The following FRMD4A variants were observed in gnomAD, a reference collection of about 807,000 sequenced individuals.
FRMD4A encodes FERM domain-containing protein 4A.
FRMD4A carries 29 observed loss-of-function variants against 129.1 expected under a neutral mutation model. The observed-to-expected ratio is 0.22, with a 90% CI of 0.17 to 0.31. The LOEUF is 0.31. FRMD4A is among the 10% of genes least tolerant of loss of function. The probability of loss-of-function intolerance (pLI) is 1.00; values close to 1 mark genes in which losing one functional copy is unlikely to be tolerated. For missense variants in FRMD4A, 1,272 were observed against 1,375.8 expected, an observed-to-expected ratio of 0.92 and a Z score of 1.19; for synonymous variants, 634 against 571.6, an observed-to-expected ratio of 1.11 and a Z score of -1.56.
intron 2 of FRMD4A, among the ~76,000 whole-genome samples, chr10:13,973,142 G>A (rs1274748284): frequency 6.6e-6 from 1 of 152,194 alleles, no homozygotes; most frequent in Non-Finnish European, 1.5e-5. Context: ...AGGATTAAAT[G>A]AGGTCACTTA....
intron 2 of FRMD4A, among the ~76,000 whole-genome samples, chr10:14,136,193 G>A (rs1469686150): frequency 2.0e-5 from 3 of 152,042 alleles, no homozygotes; most frequent in African/African-American, 7.2e-5. Flanking sequence ...ATAAATCTCG[G>A]GACCCCATAA....
At chr10:14,197,133 G>C (rs1376816224) in intron 2 of FRMD4A, among the ~76,000 whole-genome samples, 4 of 152,126 alleles carry the variant, frequency 2.6e-5, no homozygotes, top group Non-Finnish European at 4.4e-5. Context: ...GGGACAAGCA[G>C]CTCAACCCAG....
intron 2 of FRMD4A, among the ~76,000 whole-genome samples, chr10:13,884,188 ACACACACT>A (rs2094587219): frequency 3.1e-5 from 3 of 97,048 alleles, no homozygotes; most frequent in African/African-American, 8.4e-5. Context: ...ACACACACAC[ACACACACT>A]CACACACACA....
chr10:14,277,795 G>T (rs111740899), intron 2 of FRMD4A, among the ~76,000 whole-genome samples: 2,280 of 152,256 alleles, frequency 0.015, 49 homozygotes, highest in African/African-American at 0.051. Context: ...TTGCCTACTG[G>T]GGAAGGGAGG....
chr10:13,900,427 A>G (rs964440972), intron 2 of FRMD4A, among the ~76,000 whole-genome samples: 2 of 152,242 alleles, frequency 1.3e-5, no homozygotes, highest in African/African-American at 4.8e-5. Context: ...CCTGAAACAC[A>G]GACAAGAATC....
chr10:14,106,515 C>T (rs995575121), intron 2 of FRMD4A, among the ~76,000 whole-genome samples: 1 of 152,144 alleles, frequency 6.6e-6, no homozygotes, highest in Non-Finnish European at 1.5e-5. Flanking sequence ...TAAATTAAGT[C>T]ATACATTTAT....
chr10:14,236,353 G>A (rs754552326), intron 2 of FRMD4A, among the ~76,000 whole-genome samples: 1 of 152,182 alleles, frequency 6.6e-6, no homozygotes, highest in Non-Finnish European at 1.5e-5. Flanking sequence ...GGTGTGATTG[G>A]AAGGATTTGA....
At chr10:13,720,719 T>C (rs971081028) in intron 12 of FRMD4A, among the ~76,000 whole-genome samples, 22 of 152,128 alleles carry the variant, frequency 1.4e-4, no homozygotes, top group African/African-American at 5.1e-4. Context: ...GTTGGTGAAG[T>C]GACATCGAGT....
chr10:14,267,628 T>A (rs1422753012), intron 2 of FRMD4A, among the ~76,000 whole-genome samples: 1 of 152,230 alleles, frequency 6.6e-6, no homozygotes, highest in Non-Finnish European at 1.5e-5. Flanking sequence ...TAGGAATTCA[T>A]TTAGAATACA....
chr10:14,149,415 C>T (rs1232148327), intron 2 of FRMD4A, among the ~76,000 whole-genome samples: 3 of 152,150 alleles, frequency 2.0e-5, no homozygotes, highest in Admixed American at 6.5e-5. Context: ...TCATAGCTCA[C>T]TGTGGTCTTA....
chr10:13,656,700 G>T lies in FRMD4A; in HGVS notation c.2889C>A (p.Ser963=), dbSNP rs1025184072. The T allele has an allele frequency of 6.3e-6, 10 of 1,575,358 alleles. No individual in the cohort carries two copies. Among genetic ancestry groups the T allele is most frequent in the Non-Finnish European group, 8.6e-6 (10 of 1,161,366 alleles). The change falls in exon 22 of 25, where the codon TCC becomes TCA. Residue 963 remains serine (S), a synonymous_variant. Transcript: ENST00000357447. ...SDSGSQYSTS[S]QSTFVAHSRV... ...TGCTGTGCGCCACGAAGGTGCTCTG[G>T]GAGGAGGTGCTGTACTGCGAGCCGC...
intron 2 of FRMD4A, among the ~76,000 whole-genome samples, chr10:14,120,318 T>C (rs1838434630): frequency 6.6e-6 from 1 of 152,108 alleles, no homozygotes; most frequent in Non-Finnish European, 1.5e-5. Context: ...CTAAACTCAG[T>C]TCAGTGTCAC....
intron 2 of FRMD4A, among the ~76,000 whole-genome samples, chr10:14,076,595 A>G (rs1009536928): frequency 6.6e-6 from 1 of 151,858 alleles, no homozygotes; most frequent in Non-Finnish European, 1.5e-5. Flanking sequence ...AGCTGAGATC[A>G]CGCCACTGCA....
intron 2 of FRMD4A, among the ~76,000 whole-genome samples, chr10:14,107,799 C>G (rs757268518): frequency 6.6e-6 from 1 of 152,042 alleles, no homozygotes; most frequent in Non-Finnish European, 1.5e-5. Context: ...TAGAGTTATG[C>G]GATATTCTTT....
At chr10:13,789,785 G>GTGTGTGTA (rs2092953623) in intron 5 of FRMD4A, among the ~76,000 whole-genome samples, 1 of 149,608 alleles carries the variant, frequency 6.7e-6, no homozygotes, top group African/African-American at 2.5e-5. Flanking sequence ...GTGTGTGTGT[G>GTGTGTGTA]TGTGTGTGTG....
chr10:14,008,577 T>G (rs1428216303), intron 2 of FRMD4A: 3 of 892,356 alleles, frequency 3.4e-6, no homozygotes, highest in Non-Finnish European at 4.0e-6. Context: ...ATCAGACGTA[T>G]TATTCATTCC....
chr10:14,226,792 T>C (rs1251696544), intron 2 of FRMD4A, among the ~76,000 whole-genome samples: 1 of 152,202 alleles, frequency 6.6e-6, no homozygotes, highest in African/African-American at 2.4e-5. Context: ...TCGGTCACTA[T>C]CACTGCCCTC....
At chr10:13,807,036 T>A (rs146933636) in intron 4 of FRMD4A, among the ~76,000 whole-genome samples, 1,954 of 152,306 alleles carry the variant, frequency 0.013, 104 homozygotes, top group East Asian at 0.12. Flanking sequence ...CTCGATCTCC[T>A]GACCTCATGA....
intron 18 of FRMD4A, among the ~76,000 whole-genome samples, chr10:13,665,125 G>A (rs928606181): frequency 6.6e-6 from 1 of 152,266 alleles, no homozygotes; most frequent in African/African-American, 2.4e-5. Flanking sequence ...GCCCGCCTCA[G>A]CCTCCCAAAG....
Sources: allele counts gnomAD v4.1 joint callset (sites outside exome capture counted in the v4.1 genomes callset), GRCh38; gene constraint gnomAD v4.1.1; transcripts MANE v1.5; gene names NCBI Gene and HGNC (gene_info 2026-07-23, HGNC 2026-07-21).